DPP10: variants seen among roughly 807,000 people sequenced by gnomAD.
DPP10 encodes dipeptidyl peptidase like 10.
A neutral mutation model predicts 120.9 loss-of-function variants in DPP10; 33 were observed. The observed-to-expected ratio is 0.27, with a 90% CI of 0.21 to 0.37. DPP10 has a LOEUF of 0.37. Ranked by LOEUF, DPP10 falls within the 10% of genes least tolerant of loss-of-function variation. The pLI is 1.00. For synonymous variants in DPP10, 337 were observed against 326.1 expected, an observed-to-expected ratio of 1.03 and a Z score of -0.36; for missense variants, 816 against 942.8, an observed-to-expected ratio of 0.87 and a Z score of 1.76.
intron 3 of DPP10, among the ~76,000 whole-genome samples, chr2:115,496,773 T>G (rs1255155702): frequency 6.6e-6 from 1 of 152,120 alleles, no homozygotes; most frequent in African/African-American, 2.4e-5. Flanking sequence ...GACGTTGGTA[T>G]TGCAGTAAAG....
chr2:115,730,839 A>G (rs896593041), intron 8 of DPP10, among the ~76,000 whole-genome samples: 1 of 152,128 alleles, frequency 6.6e-6, no homozygotes, highest in African/African-American at 2.4e-5. Context: ...TTTTTGCCAT[A>G]CTTTGGGCTC....
In DPP10 at chr2:115,422,241, A is replaced by T. The variant is rs539783800; in HGVS notation, c.272-77269A>T. ...AAACTTCCTAATGTCATAAATTGTT[A>T]TACCGATATTTATAGCAAAGGCAAC... On this transcript the variant is annotated intron_variant, in intron 3 of 25. Coordinates refer to ENST00000410059, the MANE Select transcript of DPP10 (RefSeq NM_020868.6). 2.0e-5 allele frequency among the ~76,000 whole-genome samples: 3 copies of T among 152,342 alleles called. No individual in the cohort carries two copies. In the South Asian group the frequency reaches 6.2e-4, roughly 32 times the overall value.
intron 1 of DPP10, among the ~76,000 whole-genome samples, chr2:114,509,641 G>A (rs1291619626): frequency 6.6e-6 from 1 of 152,180 alleles, no homozygotes; most frequent in Non-Finnish European, 1.5e-5. Flanking sequence ...ATCTAAGAAA[G>A]TGAGTGGAGT....
intron 3 of DPP10, among the ~76,000 whole-genome samples, chr2:115,377,461 C>T (rs1403784046): frequency 6.6e-6 from 1 of 152,108 alleles, no homozygotes; most frequent in Non-Finnish European, 1.5e-5. Context: ...AACCCTTTGT[C>T]AGATGAGTAG....
At chr2:115,756,160 TTG>T (rs1274319105) in intron 11 of DPP10, among the ~76,000 whole-genome samples, 41 of 152,066 alleles carry the variant, frequency 2.7e-4, no homozygotes, top group African/African-American at 9.7e-4. Context: ...GAGAGTAGCA[TTG>T]TGCTTATAAG....
chr2:115,243,783 T>TTC (rs2058397445), intron 1 of DPP10, among the ~76,000 whole-genome samples: 1 of 151,756 alleles, frequency 6.6e-6, no homozygotes, highest in South Asian at 2.1e-4. Context: ...ATTTTTTTTT[T>TTC]CATCTAGCCA....
At chr2:115,555,124 C>T (rs1412736796) in intron 5 of DPP10, among the ~76,000 whole-genome samples, 5 of 152,028 alleles carry the variant, frequency 3.3e-5, no homozygotes, top group Admixed American at 2.6e-4. Context: ...TCTGATGTTC[C>T]AAATGGATAT....
chr2:114,767,850 G>T (rs2106134397), intron 1 of DPP10, among the ~76,000 whole-genome samples: 1 of 152,284 alleles, frequency 6.6e-6, no homozygotes, highest in East Asian at 1.9e-4. Context: ...GCCGAGCATG[G>T]TGGCTCATGC....
At chr2:115,826,355 CT>C (rs34101731) in intron 21 of DPP10, among the ~76,000 whole-genome samples, 39 of 152,148 alleles carry the variant, frequency 2.6e-4, no homozygotes, top group African/African-American at 8.7e-4. Flanking sequence ...TATTTCCATA[CT>C]TTTTTATTGT....
At chr2:114,946,358 A>G (rs1283378620) in intron 1 of DPP10, among the ~76,000 whole-genome samples, 1 of 152,182 alleles carries the variant, frequency 6.6e-6, no homozygotes, top group Admixed American at 6.5e-5. Flanking sequence ...AGGAGGATCT[A>G]ATGGATATGG....
At position 115,634,475 on chromosome 2, in the gene DPP10, G is replaced by A. The variant is rs141048583; in HGVS notation, c.442-55212G>A. On this transcript the variant is annotated intron_variant, in intron 5 of 25. Coordinates refer to ENST00000410059, the MANE Select transcript of DPP10 (RefSeq NM_020868.6). The stretch of plus-strand genomic sequence containing the variant: ...AGAGTCAGGCTCTTCTTTCATAGGC[G>A]TGCTGCAGTTTGCTTGGGGTCCACT... Among the ~76,000 whole-genome samples the A allele has an allele frequency of 3.6e-3, 543 of 152,092 alleles. 2 individuals carry two copies. Among genetic ancestry groups the A allele is most frequent in the Admixed American group, 8.2e-3 (125 of 15,276 alleles).
chr2:114,833,654 C>G (rs1687342326), intron 1 of DPP10: 1 of 152,144 alleles, frequency 6.6e-6, no homozygotes, highest in African/African-American at 2.4e-5. Flanking sequence ...CTTAATACTG[C>G]CAGCTGATGC....
chr2:115,338,072 A>G (rs1224532816), intron 2 of DPP10, among the ~76,000 whole-genome samples: 1 of 152,130 alleles, frequency 6.6e-6, no homozygotes, highest in Non-Finnish European at 1.5e-5. Context: ...ACTATTCCAG[A>G]GCACAGAAAA....
intron 1 of DPP10, among the ~76,000 whole-genome samples, chr2:114,931,064 A>G (rs12472840): frequency 0.23 from 34,861 of 152,150 alleles, 4,282 homozygotes; most frequent in Middle Eastern, 0.38. Context: ...AGAAGTTTCC[A>G]ACTTTCTCTT....
At chr2:115,682,072 C>G (rs960795434) in intron 5 of DPP10, among the ~76,000 whole-genome samples, 1 of 151,900 alleles carries the variant, frequency 6.6e-6, no homozygotes, top group Non-Finnish European at 1.5e-5. Flanking sequence ...GTTTGGCTCT[C>G]TGTCCTATTG....
chr2:115,642,832 T>A (rs1202263247), intron 5 of DPP10, among the ~76,000 whole-genome samples: 3 of 152,108 alleles, frequency 2.0e-5, no homozygotes, highest in Non-Finnish European at 4.4e-5. Context: ...ATATACTATA[T>A]TGTAGTTTAA....
intron 1 of DPP10, among the ~76,000 whole-genome samples, chr2:115,228,876 T>G (rs2057585094): frequency 6.6e-6 from 1 of 152,142 alleles, no homozygotes. Flanking sequence ...TGATTTCCTT[T>G]CTTTTGGGTG....
rs181521869 is a variant in DPP10 at position 114,755,605 on chromosome 2, C to T, written c.60+312767C>T. ...AACAGGATATAGCAATTGAGGAAAA[C>T]TGTGTGTGTGTTTTGTGAGGTGTTC... is the stretch of plus-strand genomic sequence containing the variant. On this transcript the variant is annotated intron_variant, in intron 1 of 25. Coordinates refer to ENST00000410059, the MANE Select transcript of DPP10 (RefSeq NM_020868.6). Among the ~76,000 whole-genome samples the T allele has an allele frequency of 2.0e-5, 3 of 152,204 alleles. No homozygotes were observed. The East Asian group carries it at 5.8e-4, about 30-fold the overall frequency.
intron 1 of DPP10, among the ~76,000 whole-genome samples, chr2:115,263,083 C>A (rs938236100): frequency 2.2e-4 from 34 of 152,258 alleles, no homozygotes; most frequent in African/African-American, 7.5e-4. Context: ...AAGAGCAAGT[C>A]ATTTCCTTTT....
Sources: gnomAD v4.1 joint callset for allele counts (sites outside exome capture counted in the v4.1 genomes callset) on GRCh38, gnomAD v4.1.1 for gene constraint, MANE v1.5 for transcripts, NCBI Gene and HGNC (gene_info 2026-07-23, HGNC 2026-07-21) for gene names.